The following HECW2 variants were observed in gnomAD, a reference collection of about 807,000 sequenced individuals.
HECW2 encodes the protein HECT, C2 and WW domain containing E3 ubiquitin protein ligase 2.
A neutral mutation model predicts 175.2 loss-of-function variants in HECW2; 61 were observed. The ratio of observed to expected loss-of-function variants is 0.35; its 90% confidence interval spans 0.28 to 0.43. HECW2 has a LOEUF of 0.43. HECW2 is among the 20% of genes least tolerant of loss of function. HECW2 has a pLI of 1.00. For synonymous variants in HECW2, 671 were observed against 731.0 expected (o/e 0.92, Z 1.32); for missense variants, 1,524 against 2,000.5 (o/e 0.76, Z 4.54).
intron 2 of HECW2, among the ~76,000 whole-genome samples, chr2:196,396,136 G>T (rs1413230036): frequency 6.6e-6 from 1 of 152,178 alleles, no homozygotes; most frequent in African/African-American, 2.4e-5. Context: ...AATATTGTAT[G>T]ATTCCACATA....
intron 8 of HECW2, 34 bp downstream of exon 8, chr2:196,320,305 G>T: frequency 1.6e-6 from 2 of 1,259,852 alleles, no homozygotes; most frequent in Non-Finnish European, 2.3e-6. Context: ...TTTTCCTATA[G>T]CAATGTATTC....
At chr2:196,332,834 T>TATGTGAC (rs983954035) in intron 4 of HECW2, among the ~76,000 whole-genome samples, 2 of 152,232 alleles carry the variant, frequency 1.3e-5, no homozygotes, top group Admixed American at 6.5e-5. Context: ...CAGTGCTTAC[T>TATGTGAC]ATGTGACATG....
intron 1 of HECW2, among the ~76,000 whole-genome samples, chr2:196,565,150 C>T (rs1333293226): frequency 6.6e-6 from 1 of 152,102 alleles, no homozygotes; most frequent in African/African-American, 2.4e-5. Context: ...TGCAGTAACC[C>T]AACCCCTATC....
chr2:196,519,983 A>T (rs751352464), intron 1 of HECW2, among the ~76,000 whole-genome samples: 7 of 152,194 alleles, frequency 4.6e-5, no homozygotes, highest in Non-Finnish European at 8.8e-5. Context: ...CATTAGTGAA[A>T]TTAATAGTGT....
At chr2:196,219,077 T>C (rs1450005756) in intron 26 of HECW2, among the ~76,000 whole-genome samples, 1 of 152,240 alleles carries the variant, frequency 6.6e-6, no homozygotes. Flanking sequence ...AAAAAATCTC[T>C]GCTTCAACTT....
chr2:196,241,066 T>C (rs1688435724), intron 20 of HECW2, among the ~76,000 whole-genome samples: 1 of 152,178 alleles, frequency 6.6e-6, no homozygotes, highest in South Asian at 2.1e-4. Flanking sequence ...AATTGTTAAT[T>C]GTTAAATTAA....
chr2:196,405,017 G>A (rs1442956795), intron 2 of HECW2, among the ~76,000 whole-genome samples: 2 of 148,716 alleles, frequency 1.3e-5, no homozygotes, highest in African/African-American at 4.9e-5. Flanking sequence ...ATTTTTAGTA[G>A]AGATGGGGTT....
intron 1 of HECW2, among the ~76,000 whole-genome samples, chr2:196,479,457 C>T (rs1208679457): frequency 6.6e-6 from 1 of 152,098 alleles, no homozygotes; most frequent in African/African-American, 2.4e-5. Context: ...GGGATGTGTC[C>T]AGTATTGCAG....
intron 1 of HECW2, among the ~76,000 whole-genome samples, chr2:196,455,877 T>C (rs1453931074): frequency 6.7e-6 from 1 of 148,546 alleles, no homozygotes; most frequent in Non-Finnish European, 1.5e-5. Flanking sequence ...ATATATATGA[T>C]ATAAATAACA....
intron 1 of HECW2, among the ~76,000 whole-genome samples, chr2:196,466,843 A>C (rs1251542624): frequency 6.6e-6 from 1 of 152,268 alleles, no homozygotes; most frequent in Non-Finnish European, 1.5e-5. Context: ...AGAAGGAGCT[A>C]CTGAAGTTCT....
intron 17 of HECW2, chr2:196,260,269 C>T (rs1478190562): frequency 6.6e-6 from 1 of 152,166 alleles, no homozygotes; most frequent in Non-Finnish European, 1.5e-5. Flanking sequence ...CAGGCTGAGA[C>T]CAATTTTCTA....
At chr2:196,217,682 A>G (rs897452055) in intron 26 of HECW2, 8 of 152,392 alleles carry the variant, frequency 5.2e-5, no homozygotes, top group African/African-American at 1.9e-4. Flanking sequence ...AGTTCCTTAA[A>G]TAAATCCTGA....
intron 1 of HECW2, among the ~76,000 whole-genome samples, chr2:196,441,433 TTTTTTA>T (rs1156287392): frequency 2.0e-5 from 3 of 151,940 alleles, no homozygotes; most frequent in African/African-American, 4.8e-5. Flanking sequence ...CTCCAAGTGA[TTTTTTA>T]TTTTTATTTT....
chr2:196,420,133 C>A (rs761639190), intron 2 of HECW2, among the ~76,000 whole-genome samples: 1 of 152,124 alleles, frequency 6.6e-6, no homozygotes, highest in South Asian at 2.1e-4. Context: ...AGTACAAAAA[C>A]TCAAACTATG....
chr2:196,307,197 C>T lies in HECW2; in HGVS notation c.2622G>A (p.Arg874=). The T allele has an allele frequency of 6.2e-7, 1 of 1,613,842 alleles. No individual in the cohort carries two copies. Among genetic ancestry groups the T allele is most frequent in the Non-Finnish European group, 8.5e-7 (1 of 1,179,728 alleles). ...CAATAGCATTGGTATTTTCCTCAGG[C>T]CTCTCATTGGTCATGGTTCTGCGGA... is the stretch of plus-strand genomic sequence containing the variant. ...QSIRRTMTNE[R]PEENTNAIDG... is the part of the protein sequence containing the mutation. Residue 874 remains arginine (R), a synonymous_variant, in exon 12 of 29, where the codon AGG becomes AGA. Transcript: ENST00000644978.
chr2:196,556,436 A>G (rs1306992398), intron 1 of HECW2, among the ~76,000 whole-genome samples: 1 of 152,142 alleles, frequency 6.6e-6, no homozygotes, highest in East Asian at 1.9e-4. Context: ...CCCTTTGACC[A>G]ATATCTCCCA....
intron 1 of HECW2, among the ~76,000 whole-genome samples, chr2:196,482,447 T>A (rs1686873318): frequency 6.6e-6 from 1 of 152,190 alleles, no homozygotes; most frequent in African/African-American, 2.4e-5. Flanking sequence ...AGTGGGAGGC[T>A]TGCCACTGTT....
At chr2:196,395,626 T>C (rs1377875442) in intron 2 of HECW2, among the ~76,000 whole-genome samples, 3 of 151,400 alleles carry the variant, frequency 2.0e-5, no homozygotes, top group Non-Finnish European at 2.9e-5. Flanking sequence ...TTAACATCAC[T>C]AATGATGCAT....
chr2:196,438,035 G>A (rs1695933770), intron 1 of HECW2, among the ~76,000 whole-genome samples: 1 of 152,100 alleles, frequency 6.6e-6, no homozygotes, highest in Non-Finnish European at 1.5e-5. Flanking sequence ...GTTTTGTTTT[G>A]TTTTTAGGAT....
Sources: allele counts gnomAD v4.1 joint callset (sites outside exome capture counted in the v4.1 genomes callset), GRCh38; gene constraint gnomAD v4.1.1; transcripts MANE v1.5; gene names NCBI Gene and HGNC (gene_info 2026-07-23, HGNC 2026-07-21).